UCK2: variants seen among roughly 807,000 people sequenced by gnomAD.
UCK2 encodes the protein uridine-cytidine kinase 2.
A neutral mutation model predicts 30.8 loss-of-function variants in UCK2; 6 were observed. The ratio of observed to expected loss-of-function variants is 0.19; its 90% confidence interval spans 0.11 to 0.38. The LOEUF (loss-of-function observed/expected upper bound fraction) is 0.38, where lower values mean the gene tolerates loss of function less well. UCK2 is among the 10% of genes least tolerant of loss of function. The pLI is 1.00. For missense variants in UCK2, 210 were observed against 339.8 expected (o/e 0.62, Z 3.00); for synonymous variants, 125 against 133.6 (o/e 0.94, Z 0.45).
At chr1:165,893,685 G>C (rs1655823621) in intron 3 of UCK2, among the ~76,000 whole-genome samples, 1 of 152,146 alleles carries the variant, frequency 6.6e-6, no homozygotes, top group South Asian at 2.1e-4. Flanking sequence ...ATTCCTAAGT[G>C]GTATATTATG....
intron 5 of UCK2, among the ~76,000 whole-genome samples, chr1:165,905,695 C>A (rs1193344339): frequency 2.0e-5 from 3 of 152,172 alleles, no homozygotes; most frequent in African/African-American, 7.2e-5. Flanking sequence ...TATCTTCTTT[C>A]ATTCACATTT....
At chr1:165,895,373 C>T in intron 3 of UCK2, 2 of 620,656 alleles carry the variant, frequency 3.2e-6, no homozygotes, top group Non-Finnish European at 4.0e-6. Context: ...CAAGATTGCG[C>T]CGCTGCACTC....
chr1:165,875,846 C>T (rs760889694), intron 1 of UCK2, among the ~76,000 whole-genome samples: 1 of 152,188 alleles, frequency 6.6e-6, no homozygotes, highest in Non-Finnish European at 1.5e-5. Flanking sequence ...TCCGGAAACT[C>T]CCTGTACCCA....
chr1:165,848,066 A>T (rs1304379427), intron 1 of UCK2, among the ~76,000 whole-genome samples: 1 of 152,238 alleles, frequency 6.6e-6, no homozygotes, highest in Admixed American at 6.5e-5. Context: ...TGATGCAATT[A>T]TATGAAGTTT....
At chr1:165,857,333 C>G (rs1308473053) in intron 1 of UCK2, among the ~76,000 whole-genome samples, 3 of 152,204 alleles carry the variant, frequency 2.0e-5, no homozygotes, top group Non-Finnish European at 4.4e-5. Context: ...ATTTATTCAG[C>G]AAACATTGAG....
intron 4 of UCK2, among the ~76,000 whole-genome samples, chr1:165,898,944 T>C (rs954877457): frequency 6.6e-6 from 1 of 152,228 alleles, no homozygotes; most frequent in Non-Finnish European, 1.5e-5. Context: ...CATGGGACTT[T>C]TCTGCATGCT....
intron 3 of UCK2, 103 bp downstream of exon 3, chr1:165,891,425 G>A: frequency 9.8e-7 from 1 of 1,024,202 alleles, no homozygotes; most frequent in Non-Finnish European, 1.5e-6. Flanking sequence ...TCAGACCTCT[G>A]TCCTACCCCT....
intron 3 of UCK2, 47 bp downstream of exon 3, chr1:165,891,369 AGCATC>A: frequency 6.4e-7 from 1 of 1,559,650 alleles, no homozygotes; most frequent in Non-Finnish European, 8.8e-7. Flanking sequence ...TGCTCCGCAG[AGCATC>A]CCTGGTCTGC....
At chr1:165,864,580 C>A (rs1014152077) in intron 1 of UCK2, among the ~76,000 whole-genome samples, 1 of 152,174 alleles carries the variant, frequency 6.6e-6, no homozygotes, top group Non-Finnish European at 1.5e-5. Flanking sequence ...TGTTACATTT[C>A]TTTCTAAACT....
chr1:165,834,121 T>C (rs755472993), intron 1 of UCK2, among the ~76,000 whole-genome samples: 13 of 152,174 alleles, frequency 8.5e-5, no homozygotes, highest in Non-Finnish European at 1.6e-4. Context: ...TGGATGACCT[T>C]GGTGGTGTTA....
intron 1 of UCK2, among the ~76,000 whole-genome samples, chr1:165,875,585 T>C (rs933797014): frequency 4.6e-5 from 7 of 152,214 alleles, no homozygotes; most frequent in African/African-American, 1.7e-4. Flanking sequence ...CATGCAAACC[T>C]GAGCCTCTGG....
chr1:165,888,642 CTTTTT>C (rs60874109), intron 1 of UCK2, among the ~76,000 whole-genome samples: 1 of 71,018 alleles, frequency 1.4e-5, no homozygotes, highest in African/African-American at 6.2e-5. Flanking sequence ...CTTTCTTCTT[CTTTTT>C]TTTTTTTTTT....
intron 1 of UCK2, among the ~76,000 whole-genome samples, chr1:165,833,404 C>T (rs1415415665): frequency 6.6e-6 from 1 of 152,074 alleles, no homozygotes; most frequent in East Asian, 1.9e-4. Context: ...GCCTGAATCT[C>T]TCCTGCTTGT....
intron 1 of UCK2, among the ~76,000 whole-genome samples, chr1:165,889,312 C>T (rs1409448505): frequency 2.6e-5 from 4 of 152,206 alleles, no homozygotes; most frequent in Non-Finnish European, 4.4e-5. Context: ...GCTCTCTGGC[C>T]ATGGTTTTTG....
chr1:165,850,755 A>C (rs1187638961), intron 1 of UCK2, among the ~76,000 whole-genome samples: 1 of 151,124 alleles, frequency 6.6e-6, no homozygotes, highest in African/African-American at 2.4e-5. Context: ...AGTAGCTGAG[A>C]CTACAGGCGC....
chr1:165,861,631 AAAAAAAAAAAAAAAAAAAC>A (rs1165606434), intron 1 of UCK2, among the ~76,000 whole-genome samples: 4 of 58,568 alleles, frequency 6.8e-5, no homozygotes, highest in Non-Finnish European at 9.9e-5. Context: ...CCGTCTCAAA[AAAAAAAAAAAAAAAAAAAC>A]AAAAAAAAAC....
chr1:165,871,026 G>A (rs1213296669), intron 1 of UCK2, among the ~76,000 whole-genome samples: 2 of 152,136 alleles, frequency 1.3e-5, no homozygotes, highest in Non-Finnish European at 2.9e-5. Context: ...TGTTGGCCAG[G>A]CTGGTCTTGA....
intron 1 of UCK2, among the ~76,000 whole-genome samples, chr1:165,871,243 G>T (rs999114495): frequency 2.6e-5 from 4 of 152,162 alleles, no homozygotes; most frequent in African/African-American, 4.8e-5. Context: ...CTCTTAACAG[G>T]ATACCCTGCA....
intron 1 of UCK2, among the ~76,000 whole-genome samples, chr1:165,851,729 C>G (rs1249951972): frequency 6.6e-6 from 1 of 152,040 alleles, no homozygotes; most frequent in Non-Finnish European, 1.5e-5. Context: ...TTGACTCGTC[C>G]TCTAAGTTCC....
Sources: gnomAD v4.1 joint callset for allele counts (sites outside exome capture counted in the v4.1 genomes callset) on GRCh38, gnomAD v4.1.1 for gene constraint, MANE v1.5 for transcripts, NCBI Gene and HGNC (gene_info 2026-07-23, HGNC 2026-07-21) for gene names.